The following EYS variants were observed in gnomAD, a reference collection of about 807,000 sequenced individuals.
The protein encoded by EYS is protein eyes shut homolog.
In EYS, 250 loss-of-function variants were observed where a neutral mutation model predicts 282.1. The ratio of observed to expected loss-of-function variants is 0.89; its 90% CI spans 0.80 to 0.98. The LOEUF (loss-of-function observed/expected upper bound fraction) is 0.98. EYS is among the 50% of genes least tolerant of loss of function. EYS has a pLI of 0.00. For synonymous variants in EYS, 1,355 were observed against 1,282.9 expected, an observed-to-expected ratio of 1.06 and a Z score of -1.20; for missense variants, 4,016 against 3,709.0, an observed-to-expected ratio of 1.08 and a Z score of -2.15.
At chr6:65,091,344 G>A (rs1306458205) in intron 12 of EYS, among the ~76,000 whole-genome samples, 1 of 150,618 alleles carries the variant, frequency 6.6e-6, no homozygotes, top group Non-Finnish European at 1.5e-5. Context: ...CAGCTACTCA[G>A]GAGACTGAGG....
chr6:64,798,607 GTTT>G lies in EYS; in HGVS notation c.3443+14768_3443+14770del, dbSNP rs57597318. On this transcript the variant is annotated intron_variant, in intron 22 of 42. Coordinates refer to ENST00000503581, the MANE Select transcript of EYS (RefSeq NM_001142800.2). Reference sequence around the variant, plus strand: ...CATTCTGCCTGTTTCTTTGTTTCTGGTTTTTTTTTTTTTTTTTTTTGCATCATT... The same window carrying G: ...CATTCTGCCTGTTTCTTTGTTTCTGGTTTTTTTTTTTTTTTTTGCATCATT... 2.5e-3 allele frequency among the ~76,000 whole-genome samples: 267 copies of G among 106,814 alleles called. 1 individual carries two copies. The highest frequency in any genetic ancestry group is 9.0e-3 in the African/African-American group (257 of 28,532). The allele number at this position is 106,814 out of a possible 152,430, so 70.1% of individuals were successfully genotyped here.
chr6:64,564,837 C>T (rs1173367557), intron 26 of EYS, among the ~76,000 whole-genome samples: 1 of 152,010 alleles, frequency 6.6e-6, no homozygotes, highest in Non-Finnish European at 1.5e-5. Flanking sequence ...GGAGAAATAC[C>T]TAATGTAGAT....
intron 4 of EYS, among the ~76,000 whole-genome samples, chr6:65,490,940 G>T (rs955563319): frequency 2.6e-5 from 4 of 151,744 alleles, no homozygotes; most frequent in Non-Finnish European, 4.4e-5. Context: ...TTTCTGGCTT[G>T]TAGTATTTGA....
intron 31 of EYS, among the ~76,000 whole-genome samples, chr6:64,221,805 A>G (rs1040806116): frequency 1.3e-5 from 2 of 152,060 alleles, no homozygotes; most frequent in Non-Finnish European, 2.9e-5. Context: ...TTGATTGTTT[A>G]TGGTATCTGA....
intron 26 of EYS, among the ~76,000 whole-genome samples, chr6:64,477,300 T>C (rs1347864482): frequency 1.3e-5 from 2 of 152,192 alleles, no homozygotes; most frequent in African/African-American, 4.8e-5. Context: ...TGTTGGAGAA[T>C]AAGCTACTTG....
intron 35 of EYS, among the ~76,000 whole-genome samples, chr6:63,932,930 G>GCTATAAAT (rs1167181188): frequency 1.3e-5 from 2 of 152,248 alleles, no homozygotes; most frequent in African/African-American, 4.8e-5. Flanking sequence ...TGACCAATTG[G>GCTATAAAT]CTATAAATCA....
intron 35 of EYS, among the ~76,000 whole-genome samples, chr6:63,955,539 G>A (rs139117053): frequency 3.9e-5 from 6 of 152,010 alleles, no homozygotes; most frequent in Admixed American, 1.3e-4. Context: ...AATCTCACTC[G>A]CTCTCTTCTA....
intron 15 of EYS, among the ~76,000 whole-genome samples, chr6:64,940,639 T>C (rs1023508502): frequency 6.6e-6 from 1 of 152,056 alleles, no homozygotes; most frequent in Non-Finnish European, 1.5e-5. Context: ...TTTTTATATA[T>C]CTTTAACTAA....
Position 65,229,386 on chromosome 6 carries a change from T to C in EYS, c.2023+66477A>G, listed in dbSNP as rs924571427. ...AGCATAGCAAGGATGTTGTTTTTGT[T>C]TGTGTTATATAACAGTAGAGAACTG... On this transcript the variant is annotated intron_variant, in intron 12 of 42. Transcript: ENST00000503581. Among the ~76,000 whole-genome samples, 9 of 151,940 alleles carry C rather than the reference T, an allele frequency of 5.9e-5. 1 individual carries two copies. Among genetic ancestry groups the C allele is most frequent in the African/African-American group, 2.2e-4 (9 of 41,420 alleles).
intron 31 of EYS, among the ~76,000 whole-genome samples, chr6:64,187,698 G>A (rs1764988381): frequency 6.6e-6 from 1 of 152,010 alleles, no homozygotes; most frequent in Non-Finnish European, 1.5e-5. Context: ...TTATCATTTA[G>A]AGAGGAGAAA....
chr6:64,868,746 T>C (rs1308786848), intron 19 of EYS, among the ~76,000 whole-genome samples: 1 of 151,464 alleles, frequency 6.6e-6, no homozygotes, highest in Non-Finnish European at 1.5e-5. Context: ...TGTCATTTCA[T>C]TACAGGAACA....
chr6:64,530,738 T>A (rs979506684), intron 26 of EYS, among the ~76,000 whole-genome samples: 1 of 152,090 alleles, frequency 6.6e-6, no homozygotes, highest in African/African-American at 2.4e-5. Context: ...TTGAAAAACA[T>A]CTCCTGGCTA....
intron 28 of EYS, among the ~76,000 whole-genome samples, chr6:64,435,038 T>C (rs1379671744): frequency 6.6e-5 from 10 of 152,042 alleles, no homozygotes; most frequent in Non-Finnish European, 1.2e-4. Flanking sequence ...AATTATTACC[T>C]CGACTGAGAT....
At chr6:64,696,388 A>G (rs1295490767) in intron 22 of EYS, among the ~76,000 whole-genome samples, 1 of 152,178 alleles carries the variant, frequency 6.6e-6, no homozygotes, top group Non-Finnish European at 1.5e-5. Context: ...AAGTAAATAT[A>G]TGAATCATAT....
chr6:64,068,369 C>A (rs1409062557), intron 32 of EYS, among the ~76,000 whole-genome samples: 1 of 151,914 alleles, frequency 6.6e-6, no homozygotes, highest in Non-Finnish European at 1.5e-5. Flanking sequence ...TTGTAAATAT[C>A]TTCTTCAGTT....
At chr6:65,283,081 G>T (rs570794697) in intron 12 of EYS, among the ~76,000 whole-genome samples, 1 of 151,866 alleles carries the variant, frequency 6.6e-6, no homozygotes, top group East Asian at 1.9e-4. Context: ...TAAAAAATTT[G>T]ATATTTGTTA....
At chr6:63,971,126 A>G (rs190766057) in intron 35 of EYS, among the ~76,000 whole-genome samples, 20 of 152,336 alleles carry the variant, frequency 1.3e-4, no homozygotes, top group Middle Eastern at 3.4e-3. Context: ...CTCCAACCTT[A>G]CAAAGTTGTA....
chr6:65,023,160 A>G (rs1198251316), intron 13 of EYS, among the ~76,000 whole-genome samples: 1 of 152,158 alleles, frequency 6.6e-6, no homozygotes, highest in African/African-American at 2.4e-5. Flanking sequence ...TATGAATTAT[A>G]TCTCAACTGA....
At position 65,652,996 on chromosome 6, in the gene EYS, C is replaced by T. The variant is rs565073202; in HGVS notation, c.-447-13104G>A. Among the ~76,000 whole-genome samples the T allele has an allele frequency of 3.3e-5, 5 of 151,884 alleles. No individual in the cohort carries two copies. The South Asian group carries it at 1.0e-3, about 32-fold the overall frequency. On this transcript the variant is annotated intron_variant, in intron 1 of 42. Coordinates refer to ENST00000503581, the MANE Select transcript of EYS (RefSeq NM_001142800.2). ...ACCAATACTAATTAGGAGGGATAAA[C>T]GAAGAGGAGGTTCAACCTAAGCCAG...
Sources: allele counts gnomAD v4.1 joint callset (sites outside exome capture counted in the v4.1 genomes callset), GRCh38; gene constraint gnomAD v4.1.1; transcripts MANE v1.5; gene names NCBI Gene and HGNC (gene_info 2026-07-23, HGNC 2026-07-21).